Variants in POLH observed in about 807,000 individuals in gnomAD.
The protein encoded by POLH is DNA polymerase eta transcript.
Under a neutral mutation model 73.6 loss-of-function variants are expected in POLH, and 53 were observed. The ratio of observed to expected loss-of-function variants is 0.72; its 90% CI spans 0.58 to 0.91. The LOEUF (loss-of-function observed/expected upper bound fraction) is 0.91. POLH is among the 40% of genes least tolerant of loss of function. POLH has a pLI of 0.00. For missense variants in POLH, 768 were observed against 865.4 expected (o/e 0.89, Z 1.41); for synonymous variants, 292 against 308.5 (o/e 0.95, Z 0.56).
At position 43,583,117 on chromosome 6, in the gene POLH, C is replaced by T. The variant is rs774770256; in HGVS notation, c.248C>T (p.Ser83Phe). 6.2e-6 allele frequency: 10 copies of T among 1,613,884 alleles called. No individual in the cohort carries two copies. The East Asian group carries it at 2.0e-4, about 32-fold the overall frequency. Residue 83 changes from serine to phenylalanine, a missense_variant, in exon 3 of 11, where the codon TCC (serine) becomes TTC (phenylalanine). Transcript: ENST00000372236. Reference sequence around the variant, plus strand: ...CTTCTACTGGCACAAGTTCGTGAGTCCCGTGGGAAAGCTAACCTCACCAAG... The same window carrying T: ...CTTCTACTGGCACAAGTTCGTGAGTTCCGTGGGAAAGCTAACCTCACCAAG... ...PDLLLAQVRESRGKANLTKYR... is the reference protein window; with the variant it reads ...PDLLLAQVREFRGKANLTKYR...
At position 43,620,032 on chromosome 6, in the gene POLH, G is replaced by A; in HGVS notation, c.*5475G>A. 3.6e-6 allele frequency: 1 copy of A among 276,968 alleles called. No individual in the cohort carries two copies. The highest frequency in any genetic ancestry group is 7.0e-6 in the Non-Finnish European group (1 of 143,572). 17.2% of individuals were successfully genotyped at this position (276,968 alleles called of 1,614,324 possible). A position where few individuals can be genotyped will look rare whatever the true frequency, so the allele number is the denominator to read the frequency against. On this transcript the variant is annotated 3_prime_UTR_variant, in exon 11 of 11. Coordinates refer to ENST00000372236, the MANE Select transcript of POLH (RefSeq NM_006502.3). ...AAGTAGTATGAACATGGAAACAGGA[G>A]CAGGGACTAAGGTTTGGTCAAGTGG...
chr6:43,593,878 CAAA>C (rs768129925), intron 4 of POLH, among the ~76,000 whole-genome samples: 444 of 85,150 alleles, frequency 5.2e-3, no homozygotes, highest in Non-Finnish European at 8.5e-3. Context: ...GACTCCGTCT[CAAA>C]AAAAAAAAAA....
At chr6:43,582,260 C>G (rs1020360270) in intron 1 of POLH, 56 bp from the exon 2 acceptor site, 1 of 1,530,444 alleles carries the variant, frequency 6.5e-7, no homozygotes, top group African/African-American at 1.4e-5. Context: ...TTACAGTTTT[C>G]CCTGGCATTT....
At chr6:43,582,514 G>T in intron 2 of POLH, 58 bp downstream of exon 2, 1 of 1,560,068 alleles carries the variant, frequency 6.4e-7, no homozygotes, top group African/African-American at 1.4e-5. Flanking sequence ...CACTGTGGCA[G>T]GTCCTTTGTT....
At position 43,618,674 on chromosome 6, in the gene POLH, C is replaced by T. The variant is rs952464038; in HGVS notation, c.*4117C>T. ...TGTGACGGAGTTTCTCTCATCGCCC[C>T]GGCTGGAATGCAATGGCACGATCTC... On this transcript the variant is annotated 3_prime_UTR_variant, in exon 11 of 11. Coordinates refer to ENST00000372236, the MANE Select transcript of POLH (RefSeq NM_006502.3). Among the ~76,000 whole-genome samples, 13 of 151,534 alleles carry T rather than the reference C, an allele frequency of 8.6e-5. No individual in the cohort carries two copies. The highest frequency in any genetic ancestry group is 1.5e-4 in the Non-Finnish European group (10 of 67,830).
At position 43,616,294 on chromosome 6, in the gene POLH, AAG is replaced by A. The variant is rs1415466272; in HGVS notation, c.*1739_*1740del. Among the ~76,000 whole-genome samples, 6 of 151,576 alleles carry A rather than the reference AAG, an allele frequency of 4.0e-5. No individual in the cohort carries two copies. Among genetic ancestry groups the A allele is most frequent in the Non-Finnish European group, 8.8e-5 (6 of 67,908 alleles). ...GACTCCGTCTCAAAAAAAAAAAAAAAAGAAAAACTTCTCTTTAGGCTGGGTGC... is the reference window on the plus strand; with the variant it reads ...GACTCCGTCTCAAAAAAAAAAAAAAAAAAAACTTCTCTTTAGGCTGGGTGC... On this transcript the variant is annotated 3_prime_UTR_variant, in exon 11 of 11. Coordinates refer to ENST00000372236, the MANE Select transcript of POLH (RefSeq NM_006502.3).
chr6:43,584,930 C>G (rs1024717531), intron 3 of POLH, among the ~76,000 whole-genome samples: 1 of 152,128 alleles, frequency 6.6e-6, no homozygotes, highest in Non-Finnish European at 1.5e-5. Flanking sequence ...TGCTTGAGCT[C>G]AGAAGTTTGA....
chr6:43,602,104 G>GTT (rs1766797022), intron 6 of POLH, among the ~76,000 whole-genome samples: 2 of 152,210 alleles, frequency 1.3e-5, no homozygotes, highest in South Asian at 4.2e-4. Flanking sequence ...TTAGCTAAAT[G>GTT]TTTAACTTCC....
At position 43,605,245 on chromosome 6, in the gene POLH, C is replaced by T. The variant is rs1767144896; in HGVS notation, c.1009-9C>T. ...TAAATGAAAGATTAAAGTCTCAATA[C>T]TTTTTTAGGTACAATGGTGGCTGTT... On this transcript the variant is annotated splice_polypyrimidine_tract_variant and intron_variant, in intron 8 of 10. Coordinates refer to ENST00000372236, the MANE Select transcript of POLH (RefSeq NM_006502.3). The T allele has an allele frequency of 3.3e-6, 5 of 1,531,080 alleles. No homozygotes were observed. Among genetic ancestry groups the T allele is most frequent in the Non-Finnish European group, 4.5e-6 (5 of 1,105,186 alleles). 94.8% of individuals were successfully genotyped at this position (1,531,080 alleles called of 1,614,324 possible).
chr6:43,609,649 A>G (rs752416721), intron 9 of POLH, among the ~76,000 whole-genome samples: 8 of 152,224 alleles, frequency 5.3e-5, no homozygotes, highest in Non-Finnish European at 8.8e-5. Context: ...TAAGCTGTAA[A>G]AAGGTGTTGG....
intron 1 of POLH, among the ~76,000 whole-genome samples, chr6:43,577,045 GGTGC>G (rs1197568688): frequency 3.9e-5 from 6 of 152,242 alleles, no homozygotes; most frequent in African/African-American, 1.4e-4. Flanking sequence ...CAGGCGTGGC[GGTGC>G]GCGCCTGTAA....
At chr6:43,598,893 T>G (rs957785752) in intron 5 of POLH, among the ~76,000 whole-genome samples, 1 of 152,110 alleles carries the variant, frequency 6.6e-6, no homozygotes, top group African/African-American at 2.4e-5. Context: ...TGACAGTATT[T>G]CCTTAATGAC....
intron 1 of POLH, among the ~76,000 whole-genome samples, chr6:43,579,497 C>T (rs1763771658): frequency 6.6e-6 from 1 of 152,144 alleles, no homozygotes; most frequent in Admixed American, 6.5e-5. Flanking sequence ...GAGTGGTGTT[C>T]CCAGGGAGGG....
Position 43,597,735 on chromosome 6 carries a change from C to T in POLH, c.530C>T (p.Ser177Phe), listed in dbSNP as rs1383309388. The change falls in exon 5 of 11, where the codon TCT (serine) becomes TTT (phenylalanine). Residue 177 changes from serine (S) to phenylalanine (F), a missense_variant. Transcript: ENST00000372236. ...CAAGGCTTATTTCAATGGCTCGATT[C>T]TCTTCAGATTGATAACCTCACCTCT... is the stretch of plus-strand genomic sequence containing the variant. ...RKQGLFQWLD[S>F]LQIDNLTSPD... The T allele has an allele frequency of 2.5e-6, 4 of 1,614,032 alleles. No homozygotes were observed. In the South Asian group the frequency reaches 3.3e-5, roughly 13 times the overall value.
chr6:43,595,711 A>T (rs1348510062), intron 4 of POLH, among the ~76,000 whole-genome samples: 2 of 152,192 alleles, frequency 1.3e-5, no homozygotes, highest in Admixed American at 6.5e-5. Context: ...TGGACCCAGG[A>T]GGTGAAGCTT....
chr6:43,618,146 A>G lies in POLH; in HGVS notation c.*3589A>G, dbSNP rs1326245901. Among the ~76,000 whole-genome samples the G allele has an allele frequency of 6.6e-6, 1 of 151,992 alleles. No homozygotes were observed. The highest frequency in any genetic ancestry group is 1.5e-5 in the Non-Finnish European group (1 of 68,014). Reference sequence around the variant, plus strand: ...TAGCTTTTTGCACTTGTCCATGTTTATACTACTGTATTATTATTATTTTTT... The same window carrying G: ...TAGCTTTTTGCACTTGTCCATGTTTGTACTACTGTATTATTATTATTTTTT... On this transcript the variant is annotated 3_prime_UTR_variant, in exon 11 of 11. Transcript: ENST00000372236.
Position 43,613,921 on chromosome 6 carries a change from T to G in POLH, c.1506T>G (p.Thr502=). 6.2e-7 allele frequency: 1 copy of G among 1,613,864 alleles called. No homozygotes were observed. Among genetic ancestry groups the G allele is most frequent in the Non-Finnish European group, 8.5e-7 (1 of 1,180,044 alleles). Residue 502 remains threonine, a synonymous_variant, in exon 11 of 11, where the codon ACT becomes ACG. Coordinates refer to ENST00000372236, the MANE Select transcript of POLH (RefSeq NM_006502.3). ...KVKEASLSSL[T]APTQAPMSNS... is the part of the protein sequence containing the mutation. ...AAGAAGCTTCGCTTTCATCTCTTAC[T>G]GCTCCCACTCAGGCTCCCATGAGCA...
At chr6:43,584,522 A>T (rs1764600866) in intron 3 of POLH, among the ~76,000 whole-genome samples, 1 of 152,220 alleles carries the variant, frequency 6.6e-6, no homozygotes. Context: ...CACCACAAGA[A>T]CAATCAACAC....
rs542370700 is a variant in POLH at position 43,607,750 on chromosome 6, G to T, written c.1074+2431G>T. Reference sequence around the variant, plus strand: ...CTTTTTAAATTTTAGCCATTCTAGTGGGTGTGAAATGGTATCTCATTATGG... The same window carrying T: ...CTTTTTAAATTTTAGCCATTCTAGTTGGTGTGAAATGGTATCTCATTATGG... On this transcript the variant is annotated intron_variant, in intron 9 of 10. Transcript: ENST00000372236. 9.5e-4 allele frequency among the ~76,000 whole-genome samples: 145 copies of T among 152,270 alleles called. 1 individual carries two copies. Among genetic ancestry groups the T allele is most frequent in the African/African-American group, 3.3e-3 (137 of 41,552 alleles).
Sources: gnomAD v4.1 joint callset for allele counts (sites outside exome capture counted in the v4.1 genomes callset) on GRCh38, gnomAD v4.1.1 for gene constraint, MANE v1.5 for transcripts, NCBI Gene and HGNC (gene_info 2026-07-23, HGNC 2026-07-21) for gene names.